MAP3K7CL: variants seen among roughly 807,000 people sequenced by gnomAD.
The protein encoded by MAP3K7CL is MAP3K7 C-terminal-like protein.
In MAP3K7CL, 16 loss-of-function variants were observed where a neutral mutation model predicts 18.6. The observed-to-expected ratio is 0.86, with a 90% CI of 0.58 to 1.31. The LOEUF (loss-of-function observed/expected upper bound fraction) is 1.31, where lower values mean the gene tolerates loss of function less well. Ranked by LOEUF, MAP3K7CL falls within the 50% of genes most tolerant of loss-of-function variation. The pLI is 0.00. For synonymous variants in MAP3K7CL, 65 were observed against 66.8 expected, an observed-to-expected ratio of 0.97 and a Z score of 0.13; for missense variants, 163 against 174.4, an observed-to-expected ratio of 0.93 and a Z score of 0.37.
chr21:29,170,996 A>G (rs1300882653), intron 4 of MAP3K7CL, among the ~76,000 whole-genome samples: 3 of 151,418 alleles, frequency 2.0e-5, no homozygotes, highest in South Asian at 2.1e-4. Context: ...AAAAATAATT[A>G]CATGAGGAAT....
chr21:29,131,737 C>T (rs1010270936), intron 1 of MAP3K7CL, among the ~76,000 whole-genome samples: 5 of 152,118 alleles, frequency 3.3e-5, no homozygotes, highest in African/African-American at 1.2e-4. Context: ...CAAAGCTATA[C>T]TAGGGTTTTA....
chr21:29,147,295 TA>T (rs1257422683), intron 2 of MAP3K7CL, among the ~76,000 whole-genome samples: 18 of 152,164 alleles, frequency 1.2e-4, no homozygotes, highest in Admixed American at 8.5e-4. Context: ...ATATGTAGTA[TA>T]TGCACTGTAT....
At chr21:29,113,749 C>T (rs2146567700) in intron 4 of MAP3K7CL, among the ~76,000 whole-genome samples, 1 of 152,240 alleles carries the variant, frequency 6.6e-6, no homozygotes, top group African/African-American at 2.4e-5. Context: ...GTCTCAATCT[C>T]CTGACCTCAG....
chr21:29,140,238 G>A (rs376354737), intron 2 of MAP3K7CL, among the ~76,000 whole-genome samples: 2 of 152,170 alleles, frequency 1.3e-5, no homozygotes, highest in Non-Finnish European at 2.9e-5. Flanking sequence ...TACACTATCT[G>A]TAACAACTTG....
chr21:29,123,697 A>T (rs2086636268), intron 4 of MAP3K7CL, among the ~76,000 whole-genome samples: 1 of 152,168 alleles, frequency 6.6e-6, no homozygotes, highest in South Asian at 2.1e-4. Context: ...ATAAAATTGG[A>T]GGTTTGAATG....
chr21:29,161,566 A>G (rs1029994761), intron 4 of MAP3K7CL, among the ~76,000 whole-genome samples: 14 of 152,154 alleles, frequency 9.2e-5, no homozygotes, highest in Non-Finnish European at 1.6e-4. Flanking sequence ...TAGATATGAA[A>G]TTTCATAAAG....
At chr21:29,117,166 A>T (rs2086517469) in intron 4 of MAP3K7CL, among the ~76,000 whole-genome samples, 1 of 152,096 alleles carries the variant, frequency 6.6e-6, no homozygotes, top group African/African-American at 2.4e-5. Context: ...ACATTATAAG[A>T]TCCTTAAATC....
chr21:29,122,873 C>G (rs73192185), intron 4 of MAP3K7CL, among the ~76,000 whole-genome samples: 8,279 of 152,120 alleles, frequency 0.054, 287 homozygotes, highest in South Asian at 0.12. Flanking sequence ...TTCCTGCCTC[C>G]TGTCTGTATC....
At chr21:29,154,211 A>G (rs2087345186) in intron 3 of MAP3K7CL, among the ~76,000 whole-genome samples, 1 of 152,216 alleles carries the variant, frequency 6.6e-6, no homozygotes. Context: ...TAATTGCTCA[A>G]TTAATGTAAA....
chr21:29,119,685 G>C (rs1403723728), intron 4 of MAP3K7CL, among the ~76,000 whole-genome samples: 1 of 131,848 alleles, frequency 7.6e-6, no homozygotes, highest in Non-Finnish European at 1.6e-5. Context: ...TTTTTGAGAT[G>C]GAGTTTCACT....
intron 3 of MAP3K7CL, among the ~76,000 whole-genome samples, chr21:29,156,379 A>G (rs1043623386): frequency 9.9e-5 from 15 of 152,216 alleles, no homozygotes; most frequent in African/African-American, 3.6e-4. Flanking sequence ...TTTTAATTTG[A>G]GCATGTGTTA....
chr21:29,168,932 C>A (rs1027724637), intron 4 of MAP3K7CL, among the ~76,000 whole-genome samples: 1 of 152,202 alleles, frequency 6.6e-6, no homozygotes, highest in Non-Finnish European at 1.5e-5. Flanking sequence ...TGTTCACTTT[C>A]TTCCTGTCCC....
At chr21:29,144,083 G>T (rs1315708261) in intron 2 of MAP3K7CL, among the ~76,000 whole-genome samples, 1 of 151,832 alleles carries the variant, frequency 6.6e-6, no homozygotes, top group Non-Finnish European at 1.5e-5. Context: ...GGTCATTTTT[G>T]AATCATCTTC....
At chr21:29,104,250 C>T (rs1474613019) in intron 4 of MAP3K7CL, among the ~76,000 whole-genome samples, 3 of 152,036 alleles carry the variant, frequency 2.0e-5, no homozygotes, top group African/African-American at 7.2e-5. Context: ...AAACAACAGA[C>T]ATTTTTTTTT....
intron 3 of MAP3K7CL, chr21:29,091,801 A>G (rs2086033993): frequency 2.9e-6 from 2 of 698,990 alleles, no homozygotes; most frequent in South Asian, 1.5e-5. Context: ...TCTCAAATAC[A>G]TGATAGTAAC....
chr21:29,112,091 G>A (rs1173697270), intron 4 of MAP3K7CL, among the ~76,000 whole-genome samples: 2 of 152,166 alleles, frequency 1.3e-5, no homozygotes, highest in African/African-American at 4.8e-5. Flanking sequence ...GACGTCAGGA[G>A]ATCAAGACCA....
intron 3 of MAP3K7CL, among the ~76,000 whole-genome samples, chr21:29,155,768 A>T (rs867397973): frequency 2.1e-4 from 32 of 152,110 alleles, no homozygotes; most frequent in African/African-American, 7.2e-4. Flanking sequence ...GAGATGGAGG[A>T]AAAGTGGGCG....
At chr21:29,103,670 G>C (rs1041518087) in intron 4 of MAP3K7CL, among the ~76,000 whole-genome samples, 1 of 152,240 alleles carries the variant, frequency 6.6e-6, no homozygotes, top group Non-Finnish European at 1.5e-5. Flanking sequence ...GGGAGGTGGA[G>C]GTTGCAGTGA....
intron 3 of MAP3K7CL, among the ~76,000 whole-genome samples, chr21:29,159,672 T>A (rs553340436): frequency 1.3e-5 from 2 of 152,142 alleles, no homozygotes; most frequent in African/African-American, 4.8e-5. Flanking sequence ...GTAACTGACA[T>A]GTAATGGATT....
Sources: allele counts gnomAD v4.1 joint callset (sites outside exome capture counted in the v4.1 genomes callset), GRCh38; gene constraint gnomAD v4.1.1; transcripts MANE v1.5; gene names NCBI Gene and HGNC (gene_info 2026-07-23, HGNC 2026-07-21).